The following PDXDC1 variants were observed in gnomAD, a reference collection of about 807,000 sequenced individuals.
The protein encoded by PDXDC1 is pyridoxal-dependent decarboxylase domain-containing protein 1.
A neutral mutation model predicts 100.1 loss-of-function variants in PDXDC1; 42 were observed. The observed-to-expected ratio is 0.42, with a 90% CI of 0.33 to 0.54. The LOEUF (loss-of-function observed/expected upper bound fraction) is 0.54, where lower values mean the gene tolerates loss of function less well. Ranked by LOEUF, PDXDC1 falls within the 20% of genes least tolerant of loss-of-function variation. The pLI, the probability that PDXDC1 is intolerant of heterozygous loss-of-function variation, is 0.10. For synonymous variants in PDXDC1, 260 were observed against 371.7 expected, an observed-to-expected ratio of 0.70 and a Z score of 3.46; for missense variants, 636 against 979.2, an observed-to-expected ratio of 0.65 and a Z score of 4.68.
At chr16:15,045,984 C>T (rs1242003903) in intron 16 of PDXDC1, 1 of 152,302 alleles carries the variant, frequency 6.6e-6, no homozygotes, top group African/African-American at 2.4e-5. Flanking sequence ...ACTGGGCCAC[C>T]AGGTTTGCCT....
chr16:15,014,206 CAAAAA>C (rs199890384), intron 8 of PDXDC1, among the ~76,000 whole-genome samples: 3 of 144,236 alleles, frequency 2.1e-5, no homozygotes, highest in Admixed American at 6.9e-5. Context: ...GACTCTGTCT[CAAAAA>C]AAAAAAAAAA....
chr16:15,125,295 C>T lies in PDXDC1; in HGVS notation c.1400-13584C>T, dbSNP rs1416859395. 8.9e-5 allele frequency: 58 copies of T among 650,642 alleles called. 1 individual carries two copies. Among genetic ancestry groups the T allele is most frequent in the Middle Eastern group, 8.3e-4 (2 of 2,414 alleles). 40.3% of individuals were successfully genotyped at this position (650,642 alleles called of 1,614,324 possible). On this transcript the variant is annotated intron_variant, in intron 16 of 16. Transcript: ENST00000535621. ...CACTGAGCAGGTCCGGCCAACTGGG[C>T]GTTCCCTCGCTGGAGGGCCAGCACA...
intron 16 of PDXDC1, among the ~76,000 whole-genome samples, chr16:15,077,475 T>A (rs2045510373): frequency 6.6e-6 from 1 of 152,122 alleles, no homozygotes; most frequent in Admixed American, 6.5e-5. Context: ...GCCGCCACCA[T>A]GTAAGAAGTG....
At chr16:15,083,086 A>G (rs966451759) in intron 16 of PDXDC1, among the ~76,000 whole-genome samples, 11 of 152,238 alleles carry the variant, frequency 7.2e-5, no homozygotes, top group Admixed American at 6.5e-4. Context: ...TTTAAAGTCT[A>G]GAAGACAAAG....
At chr16:15,085,461 C>A (rs1414480235) in intron 16 of PDXDC1, among the ~76,000 whole-genome samples, 2 of 152,056 alleles carry the variant, frequency 1.3e-5, no homozygotes, top group Non-Finnish European at 2.9e-5. Context: ...CTACTTTAAG[C>A]CTTTTTTAAG....
chr16:15,124,750 C>A lies in PDXDC1; in HGVS notation c.1400-14129C>A, dbSNP rs1205174199. On this transcript the variant is annotated intron_variant, in intron 16 of 16. Transcript: ENST00000535621. ...TTGCACCACTGCACTCCAGCCTAGG[C>A]GACAGAGCGAGACTCTGTCTCAAAA... 1.3e-4 allele frequency among the ~76,000 whole-genome samples: 20 copies of A among 150,564 alleles called. No individual in the cohort carries two copies. In the East Asian group the frequency reaches 3.8e-3, roughly 28 times the overall value.
intron 8 of PDXDC1, among the ~76,000 whole-genome samples, chr16:15,013,488 T>G (rs1335539370): frequency 6.6e-6 from 1 of 152,256 alleles, no homozygotes; most frequent in East Asian, 1.9e-4. Context: ...GGAAGTATTC[T>G]GAATCTTGAT....
At chr16:14,995,592 C>T (rs558014973) in intron 1 of PDXDC1, among the ~76,000 whole-genome samples, 1 of 152,406 alleles carries the variant, frequency 6.6e-6, no homozygotes, top group African/African-American at 2.4e-5. Flanking sequence ...GGATATTGGT[C>T]TAAAATTCTC....
intron 16 of PDXDC1, among the ~76,000 whole-genome samples, chr16:15,077,760 G>C (rs1398542679): frequency 6.6e-6 from 1 of 152,224 alleles, no homozygotes; most frequent in East Asian, 1.9e-4. Flanking sequence ...AGAACTGCTT[G>C]AACCCCGGAG....
intron 16 of PDXDC1, chr16:15,127,411 C>G: frequency 2.9e-6 from 4 of 1,391,034 alleles, no homozygotes; most frequent in Non-Finnish European, 3.9e-6. Flanking sequence ...CGGCTCTGGG[C>G]ATGGTGCCGA....
At chr16:15,135,452 G>A (rs1159182267) in intron 16 of PDXDC1, 19 of 1,229,612 alleles carry the variant, frequency 1.5e-5, no homozygotes, top group Middle Eastern at 2.6e-4. Context: ...AACAAGGGGC[G>A]ACGTGGCCCG....
intron 16 of PDXDC1, among the ~76,000 whole-genome samples, chr16:15,112,730 T>A (rs1410647390): frequency 8.8e-6 from 1 of 114,118 alleles, no homozygotes; most frequent in African/African-American, 3.4e-5. Flanking sequence ...GTCAAACACA[T>A]GAAGAAATGA....
chr16:15,022,805 C>A, intron 13 of PDXDC1, 51 bp downstream of exon 13: 1 of 1,398,362 alleles, frequency 7.2e-7, no homozygotes, highest in Non-Finnish European at 9.9e-7. Context: ...TTTTGAACCT[C>A]AGCAACTTTG....
chr16:15,133,872 G>A (rs754917576), intron 16 of PDXDC1: 20 of 1,542,730 alleles, frequency 1.3e-5, no homozygotes, highest in African/African-American at 2.7e-5. Flanking sequence ...GCCCCCCAGC[G>A]GCGGGCGGTT....
intron 8 of PDXDC1, among the ~76,000 whole-genome samples, chr16:15,012,036 G>C (rs1269802002): frequency 6.6e-6 from 1 of 152,174 alleles, no homozygotes; most frequent in African/African-American, 2.4e-5. Flanking sequence ...CAAAACATTT[G>C]TTTGACAAAG....
chr16:15,127,796 G>A (rs565342811), intron 16 of PDXDC1: 38 of 1,559,304 alleles, frequency 2.4e-5, no homozygotes, highest in Middle Eastern at 2.3e-4. Context: ...AAACAGCTAC[G>A]AGGCGGCCGG....
intron 3 of PDXDC1, among the ~76,000 whole-genome samples, chr16:15,001,542 A>T (rs1446044973): frequency 6.6e-6 from 1 of 152,302 alleles, no homozygotes; most frequent in Non-Finnish European, 1.5e-5. Context: ...AATGAAACTC[A>T]TAATTAGGTA....
Position 15,047,861 on chromosome 16 carries a change from G to A in PDXDC1, c.1399+17805G>A. ...TTCACCTCTCTCATCATACCTGTGT[G>A]CCTCAGGACCACAATGTGACAAGTA... On this transcript the variant is annotated intron_variant, in intron 16 of 16. Coordinates refer to the PDXDC1 transcript ENST00000535621. The A allele has an allele frequency of 6.2e-7, 1 of 1,610,916 alleles. No individual in the cohort carries two copies. The highest frequency in any genetic ancestry group is 8.5e-7 in the Non-Finnish European group (1 of 1,177,032).
At chr16:14,983,406 A>G (rs1186743638) in intron 1 of PDXDC1, among the ~76,000 whole-genome samples, 1 of 145,652 alleles carries the variant, frequency 6.9e-6, no homozygotes, top group African/African-American at 2.5e-5. Context: ...CCCCGTCTCT[A>G]CTAAAAATAC....
Sources: allele counts gnomAD v4.1 joint callset (sites outside exome capture counted in the v4.1 genomes callset), GRCh38; gene constraint gnomAD v4.1.1; transcripts MANE v1.5; gene names NCBI Gene and HGNC (gene_info 2026-07-23, HGNC 2026-07-21).